DHX9: variants seen among roughly 807,000 people sequenced by gnomAD.
DHX9 encodes the protein ATP-dependent RNA helicase A.
DHX9 carries 27 observed loss-of-function variants against 148.7 expected under a neutral mutation model. The ratio of observed to expected loss-of-function variants is 0.18; its 90% CI spans 0.13 to 0.25. The LOEUF (loss-of-function observed/expected upper bound fraction) is 0.25. Among genes scored for constraint, DHX9 ranks in the 10% least tolerant of loss-of-function variants. The pLI, the probability that DHX9 is intolerant of heterozygous loss-of-function variation, is 1.00. For synonymous variants in DHX9, 529 were observed against 516.6 expected, an observed-to-expected ratio of 1.02 and a Z score of -0.33; for missense variants, 796 against 1,559.6, an observed-to-expected ratio of 0.51 and a Z score of 8.25.
At position 182,887,295 on chromosome 1, in the gene DHX9, G is replaced by A. The variant is rs1005337244; in HGVS notation, c.3674G>A (p.Gly1225Asp). Residue 1225 changes from glycine to aspartate, a missense_variant, in exon 28 of 28, where the codon GGC becomes GAC. By Grantham distance (94) the Gly-to-Asp change is moderately conservative. This residue lies in a region of DHX9 where 98 missense variants were observed against 105.5 expected (regional missense o/e 0.93). Transcript: ENST00000367549. ...GGCTATAGAGGAGTTTCCCGAGGTG[G>A]CTTTAGAGGCAACTCTGGAGGAGAC... The part of the protein sequence containing the change: ...GGGYRGVSRG[G>D]FRGNSGGDYR... 3.0e-5 allele frequency: 49 copies of A among 1,614,158 alleles called. No homozygotes were observed. Among genetic ancestry groups the A allele is most frequent in the Non-Finnish European group, 4.2e-5 (49 of 1,180,012 alleles).
intron 18 of DHX9, 141 bp downstream of exon 18, chr1:182,876,682 A>G: frequency 1.1e-6 from 1 of 933,392 alleles, no homozygotes; most frequent in South Asian, 1.6e-5. Flanking sequence ...TTCTGAGCTT[A>G]GTAGATTGTT....
At chr1:182,842,239 A>G (rs532992937) in intron 1 of DHX9, among the ~76,000 whole-genome samples, 2 of 152,232 alleles carry the variant, frequency 1.3e-5, no homozygotes, top group Non-Finnish European at 2.9e-5. Flanking sequence ...AGGGCCTTAT[A>G]TAAAATACTT....
intron 20 of DHX9, 138 bp from the exon 21 acceptor site, chr1:182,879,111 TA>T: frequency 1.6e-6 from 1 of 643,986 alleles, no homozygotes; most frequent in Non-Finnish European, 2.4e-6. Context: ...TAGTGAACGA[TA>T]AAAGGTCCGA....
chr1:182,854,018 T>C lies in DHX9; in HGVS notation c.478-12T>C. On this transcript the variant is annotated splice_polypyrimidine_tract_variant and intron_variant, in intron 5 of 27. Transcript: ENST00000367549. ...TTAACACAGCCAAATTTAATTATCA[T>C]TGATTCTACAGACTCTAGAATCAGA... The C allele has an allele frequency of 1.2e-6, 2 of 1,605,680 alleles. No individual in the cohort carries two copies. The highest frequency in any genetic ancestry group is 1.7e-6 in the Non-Finnish European group (2 of 1,178,104).
Position 182,858,744 on chromosome 1 carries a change from T to G in DHX9, c.912T>G (p.Pro304=), listed in dbSNP as rs1348647926. Residue 304 remains proline (P), a synonymous_variant, in exon 10 of 28, where the codon CCT becomes CCG. Transcript: ENST00000367549. ...NLEILPPPED[P]SVPVALNIGK... The stretch of plus-strand genomic sequence containing the variant: ...TTATTTTTTAATAGCCTGAAGATCC[T>G]TCTGTGCCAGTTGCACTCAACATTG... 7.4e-6 allele frequency: 12 copies of G among 1,614,148 alleles called. No homozygotes were observed. Among genetic ancestry groups the G allele is most frequent in the Non-Finnish European group, 1.0e-5 (12 of 1,180,026 alleles).
At chr1:182,853,604 G>A (rs1668199036) in intron 5 of DHX9, among the ~76,000 whole-genome samples, 186 bp downstream of exon 5, 1 of 152,108 alleles carries the variant, frequency 6.6e-6, no homozygotes, top group African/African-American at 2.4e-5. Flanking sequence ...TATTCACATT[G>A]CCTATGGAGG....
Position 182,859,079 on chromosome 1 carries a change from T to C in DHX9, c.1102T>C (p.Leu368=). 6.2e-7 allele frequency: 1 copy of C among 1,614,162 alleles called. No homozygotes were observed. Among genetic ancestry groups the C allele is most frequent in the Non-Finnish European group, 8.5e-7 (1 of 1,180,024 alleles). The stretch of plus-strand genomic sequence containing the variant: ...AATAAGCATGGACCTCAAGAATGAA[T>C]TGATGTACCAGTTGGAACAGGATCA... The part of the protein sequence containing the change: ...EQISMDLKNE[L]MYQLEQDHDL... The change falls in exon 11 of 28, where the codon TTG becomes CTG. Residue 368 remains leucine, a synonymous_variant. Coordinates refer to ENST00000367549, the MANE Select transcript of DHX9 (RefSeq NM_001357.5).
chr1:182,843,799 C>T (rs1667974170), intron 3 of DHX9, among the ~76,000 whole-genome samples: 1 of 152,184 alleles, frequency 6.6e-6, no homozygotes, highest in East Asian at 1.9e-4. Context: ...CCCATTGACA[C>T]TCCCCCTGCC....
At chr1:182,844,072 C>T (rs972435924) in intron 3 of DHX9, among the ~76,000 whole-genome samples, 4 of 152,066 alleles carry the variant, frequency 2.6e-5, no homozygotes, top group African/African-American at 7.2e-5. Context: ...CCTCAGCCTC[C>T]GAGTAGCTGG....
chr1:182,876,424 G>GT, intron 17 of DHX9, 23 bp from the exon 18 acceptor site: 1 of 1,603,812 alleles, frequency 6.2e-7, no homozygotes, highest in South Asian at 1.1e-5. Flanking sequence ...TTTAGTCCCT[G>GT]ATTGTTCTTT....
rs1036913645 is a variant in DHX9 at position 182,887,628 on chromosome 1, A to G, written c.*194A>G. On this transcript the variant is annotated 3_prime_UTR_variant, in exon 28 of 28. Coordinates refer to ENST00000367549, the MANE Select transcript of DHX9 (RefSeq NM_001357.5). ...TTTTGTTTATATTATGTAAAATATAACGATCTCTTAAAAATACCACAGTTT... is the reference window on the plus strand; with the variant it reads ...TTTTGTTTATATTATGTAAAATATAGCGATCTCTTAAAAATACCACAGTTT... 1 of 540,274 alleles carries G rather than the reference A, an allele frequency of 1.9e-6. No individual in the cohort carries two copies. The highest frequency in any genetic ancestry group is 3.3e-6 in the Non-Finnish European group (1 of 304,802). 33.5% of individuals were successfully genotyped at this position (540,274 alleles called of 1,614,324 possible). A position where few individuals can be genotyped will look rare whatever the true frequency, so the allele number is the denominator to read the frequency against.
chr1:182,871,475 C>T (rs1262000940), intron 14 of DHX9, among the ~76,000 whole-genome samples: 1 of 152,152 alleles, frequency 6.6e-6, no homozygotes, highest in Admixed American at 6.5e-5. Context: ...CATTACCTTC[C>T]GAAGTTCAGC....
Position 182,853,346 on chromosome 1 carries a change from T to C in DHX9, c.405T>C (p.Pro135=). The change falls in exon 5 of 28, where the codon CCT becomes CCC. Residue 135 remains proline (P), a synonymous_variant. Coordinates refer to ENST00000367549, the MANE Select transcript of DHX9 (RefSeq NM_001357.5). ...SEVGASGYGV[P]GPTWDRGANL... ...TAGGGGCCTCTGGCTATGGTGTTCC[T>C]GGGCCCACCTGGGACCGAGGAGCCA... The C allele has an allele frequency of 6.2e-7, 1 of 1,614,050 alleles. No homozygotes were observed. Among genetic ancestry groups the C allele is most frequent in the Non-Finnish European group, 8.5e-7 (1 of 1,179,964 alleles).
At chr1:182,861,418 A>G (rs539956527) in intron 12 of DHX9, among the ~76,000 whole-genome samples, 2 of 152,262 alleles carry the variant, frequency 1.3e-5, no homozygotes, top group Non-Finnish European at 2.9e-5. Flanking sequence ...AAATATTCTT[A>G]CTCTTAATTC....
chr1:182,844,346 C>T (rs1409492329), intron 3 of DHX9, among the ~76,000 whole-genome samples: 1 of 152,176 alleles, frequency 6.6e-6, no homozygotes, highest in Non-Finnish European at 1.5e-5. Flanking sequence ...CGTAAGTATG[C>T]AACAAATACC....
intron 24 of DHX9, 145 bp downstream of exon 24, chr1:182,881,792 T>C (rs1649096829): frequency 1.8e-5 from 15 of 845,160 alleles, no homozygotes; most frequent in Non-Finnish European, 2.5e-5. Context: ...TCGTGAACAC[T>C]GGTCTAGTTC....
At chr1:182,841,561 C>T (rs1444067874) in intron 1 of DHX9, among the ~76,000 whole-genome samples, 1 of 152,220 alleles carries the variant, frequency 6.6e-6, no homozygotes, top group African/African-American at 2.4e-5. Context: ...CAGAGTTAGA[C>T]TGTGGCCACT....
At chr1:182,855,035 A>G (rs1166504381) in intron 6 of DHX9, among the ~76,000 whole-genome samples, 2 of 152,204 alleles carry the variant, frequency 1.3e-5, no homozygotes, top group African/African-American at 2.4e-5. Flanking sequence ...GGATGCATCT[A>G]GCGACCCTGA....
intron 14 of DHX9, among the ~76,000 whole-genome samples, chr1:182,868,897 TC>T (rs1318750094): frequency 6.6e-6 from 1 of 152,176 alleles, no homozygotes; most frequent in Non-Finnish European, 1.5e-5. Context: ...TGACTATAAA[TC>T]ATGTAACTTT....
Sources: gnomAD v4.1 joint callset for allele counts (sites outside exome capture counted in the v4.1 genomes callset) on GRCh38, gnomAD v4.1.1 for gene constraint, gnomAD v4.1.1 regional missense constraint, MANE v1.5 for transcripts, NCBI Gene and HGNC (gene_info 2026-07-23, HGNC 2026-07-21) for gene names.